Variants in NPHP1 observed in about 807,000 individuals in gnomAD.
NPHP1 encodes nephrocystin-1.
In NPHP1, 70 loss-of-function variants were observed where a neutral mutation model predicts 90.4. The observed-to-expected ratio is 0.77, with a 90% CI of 0.64 to 0.95. The LOEUF (loss-of-function observed/expected upper bound fraction) is 0.95. Among genes scored for constraint, NPHP1 ranks in the 40% least tolerant of loss-of-function variants. The pLI, the probability that NPHP1 is intolerant of heterozygous loss-of-function variation, is 0.00. For missense variants in NPHP1, 764 were observed against 795.9 expected, an observed-to-expected ratio of 0.96 and a Z score of 0.48; for synonymous variants, 256 against 271.7, an observed-to-expected ratio of 0.94 and a Z score of 0.57.
At chr2:110,154,904 A>G (rs1681775121) in intron 11 of NPHP1, among the ~76,000 whole-genome samples, 1 of 152,180 alleles carries the variant, frequency 6.6e-6, no homozygotes, top group Non-Finnish European at 1.5e-5. Flanking sequence ...CCGGCTGCAG[A>G]AATTCGCATA....
intron 2 of NPHP1, among the ~76,000 whole-genome samples, chr2:110,195,550 T>A (rs1210018018): frequency 1.3e-5 from 2 of 152,060 alleles, no homozygotes; most frequent in Non-Finnish European, 2.9e-5. Context: ...GGGTAGGAAG[T>A]ATCAATATCG....
rs1381789751 is a variant in NPHP1 at position 110,160,216 on chromosome 2, A to G, written c.994T>C (p.Leu332=). ...AGAGGAATCATTTTACAGCTCCATA[A>G]TGTCAGAATCAATGAAATACGACTT... ...RPSRISLILT[L]WSCKMIPLPG... The change falls in exon 11 of 20, where the codon TTA becomes CTA. Residue 332 remains leucine (L), a synonymous_variant. Coordinates refer to ENST00000445609, the MANE Select transcript of NPHP1 (RefSeq NM_001128178.3). The G allele has an allele frequency of 2.5e-6, 4 of 1,611,706 alleles. No individual in the cohort carries two copies. Among genetic ancestry groups the G allele is most frequent in the East Asian group, 2.2e-5 (1 of 44,802 alleles).
intron 5 of NPHP1, 76 bp from the exon 6 acceptor site, chr2:110,168,629 A>G: frequency 1.0e-6 from 1 of 997,994 alleles, no homozygotes; most frequent in Non-Finnish European, 1.6e-6. Flanking sequence ...AATGATTCAA[A>G]ATATGTGCTG....
Position 110,146,944 on chromosome 2 carries a change from A to G in NPHP1, c.1270-109T>C, listed in dbSNP as rs1681098648. On this transcript the variant is annotated intron_variant, in intron 13 of 19. Transcript: ENST00000445609. ...AAATTAGTATTCACCTTTAGAACTA[A>G]AAAGTTCTTCACAAGAAAATAAAAT... 10 of 777,164 alleles carry G rather than the reference A, an allele frequency of 1.3e-5. No individual in the cohort carries two copies. The Admixed American group carries it at 1.9e-4, about 15-fold the overall frequency. 48.1% of individuals were successfully genotyped at this position (777,164 alleles called of 1,614,324 possible).
Position 110,136,905 on chromosome 2 carries a change from G to A in NPHP1, c.1530-5114C>T, listed in dbSNP as rs550852273. Among the ~76,000 whole-genome samples, 7 of 152,124 alleles carry A rather than the reference G, an allele frequency of 4.6e-5. No homozygotes were observed. In the South Asian group the frequency reaches 6.2e-4, roughly 14 times the overall value. ...AAAAGAACAAAGCTGGAGGCATCAC[G>A]CTACCTGACTTCAAACTATACTACA... On this transcript the variant is annotated intron_variant, in intron 16 of 19. Coordinates refer to ENST00000445609, the MANE Select transcript of NPHP1 (RefSeq NM_001128178.3).
At chr2:110,166,988 A>G (rs1007392063) in intron 6 of NPHP1, among the ~76,000 whole-genome samples, 11 of 152,154 alleles carry the variant, frequency 7.2e-5, no homozygotes, top group Non-Finnish European at 1.5e-4. Flanking sequence ...TTAATGTTAA[A>G]AAAGCAAAAC....
chr2:110,189,491 G>C (rs867088911), intron 2 of NPHP1, among the ~76,000 whole-genome samples: 1 of 152,024 alleles, frequency 6.6e-6, no homozygotes, highest in Non-Finnish European at 1.5e-5. Context: ...GCAGACCTTC[G>C]CGGTGAGTGT....
rs534505786 is a variant in NPHP1, at chr2:110,194,169, G to A, written c.143+7252C>T. Among the ~76,000 whole-genome samples the A allele has an allele frequency of 2.0e-4, 30 of 152,206 alleles. No homozygotes were observed. In the South Asian group the frequency reaches 5.8e-3, roughly 29 times the overall value. ...AAATAACTAAGATCAGAGCAGAACT[G>A]AAGGAGATAGAGACAAAAAAACCCT... On this transcript the variant is annotated intron_variant, in intron 2 of 19. Transcript: ENST00000445609.
intron 19 of NPHP1, chr2:110,125,145 C>G: frequency 6.6e-7 from 1 of 1,508,334 alleles, no homozygotes; most frequent in Non-Finnish European, 8.8e-7. Flanking sequence ...ATAGCCCTTC[C>G]CATTTGCCAA....
rs1685366626 is a variant in NPHP1 at position 110,198,944 on chromosome 2, T to C, written c.143+2477A>G. Reference sequence around the variant, plus strand: ...AAATTTAAGAATAACCAAATATAAATTAATTAATTAACTAATTAAAAGGAA... The same window carrying C: ...AAATTTAAGAATAACCAAATATAAACTAATTAATTAACTAATTAAAAGGAA... On this transcript the variant is annotated intron_variant, in intron 2 of 19. Transcript: ENST00000445609. Among the ~76,000 whole-genome samples, 3 of 151,670 alleles carry C rather than the reference T, an allele frequency of 2.0e-5. No homozygotes were observed. The South Asian group carries it at 6.2e-4, about 32-fold the overall frequency.
rs1682557244 is a variant in NPHP1, at chr2:110,164,372, T to C, written c.771+316A>G. On this transcript the variant is annotated intron_variant, in intron 8 of 19. Coordinates refer to ENST00000445609, the MANE Select transcript of NPHP1 (RefSeq NM_001128178.3). ...TTTTTATTAAAGGCTTTCAGGATTT[T>C]TCGAATAGTAAATAAAATTTAACAT... is the stretch of plus-strand genomic sequence containing the variant. 6 of 643,570 alleles carry C rather than the reference T, an allele frequency of 9.3e-6. 1 individual carries two copies. The South Asian group carries it at 1.1e-4, about 12-fold the overall frequency. 39.9% of individuals were successfully genotyped at this position (643,570 alleles called of 1,614,324 possible).
intron 2 of NPHP1, among the ~76,000 whole-genome samples, chr2:110,180,448 CTTTTTT>C (rs3086121): frequency 1.2e-4 from 10 of 80,904 alleles, no homozygotes; most frequent in South Asian, 6.4e-4. Context: ...CCGTTTGAGT[CTTTTTT>C]TTTTTTTTTT....
At chr2:110,178,040 C>A in intron 4 of NPHP1, 1 of 259,114 alleles carries the variant, frequency 3.9e-6, no homozygotes, top group Non-Finnish European at 7.4e-6. Flanking sequence ...CACACTCAGT[C>A]TTTGCTTCAA....
intron 16 of NPHP1, among the ~76,000 whole-genome samples, chr2:110,133,250 G>A (rs1422050884): frequency 1.3e-5 from 2 of 151,980 alleles, no homozygotes; most frequent in African/African-American, 2.4e-5. Context: ...AAGAGAACAT[G>A]TTTAGCCATA....
chr2:110,183,465 C>A (rs763412629), intron 2 of NPHP1, among the ~76,000 whole-genome samples: 15 of 152,122 alleles, frequency 9.9e-5, no homozygotes, highest in Non-Finnish European at 2.1e-4. Flanking sequence ...AGAAACAATA[C>A]TTATCACTGG....
Position 110,161,586 on chromosome 2 carries a change from A to T in NPHP1, c.954+17T>A, listed in dbSNP as rs751152976. 1.0e-5 allele frequency: 15 copies of T among 1,507,012 alleles called. No homozygotes were observed. The highest frequency in any genetic ancestry group is 1.7e-5 in the Admixed American group (1 of 59,720). 93.4% of individuals were successfully genotyped at this position (1,507,012 alleles called of 1,614,324 possible). On this transcript the variant is annotated intron_variant, in intron 10 of 19. Transcript: ENST00000445609. Reference sequence around the variant, plus strand: ...ATCTGGAAGAGTTACACTTTTACTGATAGTAACTATACTTACAGTGCCTTC... The same window carrying T: ...ATCTGGAAGAGTTACACTTTTACTGTTAGTAACTATACTTACAGTGCCTTC...
intron 2 of NPHP1, chr2:110,185,040 T>C: frequency 1.7e-6 from 1 of 601,488 alleles, no homozygotes; most frequent in Non-Finnish European, 3.2e-6. Flanking sequence ...AAGATCAGGA[T>C]ATTTGCACCT....
At chr2:110,142,527 T>G (rs1680722483) in intron 16 of NPHP1, among the ~76,000 whole-genome samples, 1 of 151,798 alleles carries the variant, frequency 6.6e-6, no homozygotes, top group African/African-American at 2.4e-5. Context: ...TAATTTTTTT[T>G]TTTTGGTAGA....
In NPHP1 at chr2:110,144,130, T is replaced by C. The variant is rs1337159913; in HGVS notation, c.1429+363A>G. 7 of 328,314 alleles carry C rather than the reference T, an allele frequency of 2.1e-5. No homozygotes were observed. The Admixed American group carries it at 2.3e-4, about 11-fold the overall frequency. 20.3% of individuals were successfully genotyped at this position (328,314 alleles called of 1,614,324 possible). A position where few individuals can be genotyped will look rare whatever the true frequency, so the allele number is the denominator to read the frequency against. ...CCTGGTTAATGAACATAGTAAAAGATGCTCAATATTTCTAGAGGGCAATTT... is the reference window on the plus strand; with the variant it reads ...CCTGGTTAATGAACATAGTAAAAGACGCTCAATATTTCTAGAGGGCAATTT... On this transcript the variant is annotated intron_variant, in intron 15 of 19. Coordinates refer to ENST00000445609, the MANE Select transcript of NPHP1 (RefSeq NM_001128178.3).
Sources: allele counts gnomAD v4.1 joint callset (sites outside exome capture counted in the v4.1 genomes callset), GRCh38; gene constraint gnomAD v4.1.1; transcripts MANE v1.5; gene names NCBI Gene and HGNC (gene_info 2026-07-23, HGNC 2026-07-21).